Variants in RANBP2 observed in about 807,000 individuals in gnomAD.
RANBP2 encodes the protein RAN binding protein 2.
In RANBP2, 57 loss-of-function variants were observed where a neutral mutation model predicts 303.6. The observed-to-expected ratio is 0.19, with a 90% confidence interval of 0.15 to 0.23. RANBP2 has a LOEUF of 0.23. RANBP2 is among the 10% of genes least tolerant of loss of function. RANBP2 has a pLI of 1.00. For missense variants in RANBP2, 3,138 were observed against 3,780.8 expected (o/e 0.83, Z 4.46); for synonymous variants, 1,167 against 1,301.5 (o/e 0.90, Z 2.23).
At chr2:109,635,951 C>T in the RANBP2 span, among the ~76,000 whole-genome samples, 5 of 152,172 alleles carry the variant, frequency 3.3e-5, no homozygotes, top group African/African-American at 4.8e-5. Flanking sequence ...CCCAATGTGA[C>T]GGTGTTAGGA....
chr2:109,308,863 C>T, the RANBP2 span, among the ~76,000 whole-genome samples: 1 of 70,958 alleles, frequency 1.4e-5, no homozygotes, highest in African/African-American at 1.2e-4. Context: ...AGTGTGATGC[C>T]TCCAGCTTTG....
chr2:108,740,932 G>GT (rs1339386199), intron 7 of RANBP2, among the ~76,000 whole-genome samples: 3 of 152,004 alleles, frequency 2.0e-5, no homozygotes. Flanking sequence ...AATTTGAAGA[G>GT]TTTGATCTTT....
At chr2:108,946,665 A>T in the RANBP2 span, among the ~76,000 whole-genome samples, 2 of 152,208 alleles carry the variant, frequency 1.3e-5, no homozygotes, top group Admixed American at 1.3e-4. Context: ...CATCTTACAC[A>T]GTGGCAAGAG....
the RANBP2 span, among the ~76,000 whole-genome samples, chr2:109,761,657 C>T: frequency 2.7e-5 from 4 of 148,522 alleles, no homozygotes; most frequent in African/African-American, 1.0e-4. Context: ...CCCCCCAACC[C>T]GCCACTATCT....
At chr2:108,777,788 T>C (rs1290892309) in intron 25 of RANBP2, among the ~76,000 whole-genome samples, 1 of 152,190 alleles carries the variant, frequency 6.6e-6, no homozygotes, top group Non-Finnish European at 1.5e-5. Context: ...CCATCCATTA[T>C]ATTTTTTCAT....
chr2:109,000,847 T>C, the RANBP2 span, among the ~76,000 whole-genome samples: 12 of 152,082 alleles, frequency 7.9e-5, no homozygotes, highest in Admixed American at 3.3e-4. Context: ...GGATGAGGAA[T>C]ATGTCCCAGG....
At chr2:108,926,662 G>C in the RANBP2 span, among the ~76,000 whole-genome samples, 1 of 152,158 alleles carries the variant, frequency 6.6e-6, no homozygotes, top group African/African-American at 2.4e-5. Context: ...TGGTTCCCAG[G>C]TCCTCCCACA....
chr2:109,723,307 C>G, the RANBP2 span, among the ~76,000 whole-genome samples: 1 of 152,074 alleles, frequency 6.6e-6, no homozygotes, highest in East Asian at 1.9e-4. Context: ...GTGTGCCACA[C>G]GCCCGGCTAA....
At position 108,751,879 on chromosome 2, in the gene RANBP2, A is replaced by G. The variant is rs1234284837; in HGVS notation, c.1640A>G (p.Asn547Ser). ...TLIHRKAVPG[N>S]VAKLRLLVQH... ...ATTGAACTATTTTTTAGACCTGGAA[A>G]CGTAGCAAAATTGAGACTTCTAGTT... The change falls in exon 12 of 29, where the codon AAC becomes AGC. Residue 547 changes from asparagine (N) to serine (S), a missense_variant. This residue lies in a region of RANBP2 where 162 missense variants were observed against 286.9 expected (regional missense o/e 0.56). Coordinates refer to ENST00000283195, the MANE Select transcript of RANBP2 (RefSeq NM_006267.5). 1 of 1,612,004 alleles carries G rather than the reference A, an allele frequency of 6.2e-7. No individual in the cohort carries two copies. The highest frequency in any genetic ancestry group is 2.2e-5 in the East Asian group (1 of 44,874).
At chr2:108,853,952 AAAT>A in the RANBP2 span, among the ~76,000 whole-genome samples, 5 of 119,824 alleles carry the variant, frequency 4.2e-5, no homozygotes, top group African/African-American at 1.6e-4. Context: ...AATATACAAT[AAAT>A]ATATATAATA....
chr2:108,785,927 G>A (rs1399291451), downstream of RANBP2: 1 of 152,146 alleles, frequency 6.6e-6, no homozygotes, highest in Non-Finnish European at 1.5e-5. Context: ...AGAGAATTTA[G>A]GAGTTGTTAG....
chr2:109,460,383 G>A, the RANBP2 span, among the ~76,000 whole-genome samples: 1 of 152,246 alleles, frequency 6.6e-6, no homozygotes, highest in Non-Finnish European at 1.5e-5. Context: ...GACATGCTGG[G>A]GACTCACTGT....
the RANBP2 span, among the ~76,000 whole-genome samples, chr2:109,277,567 AC>A: frequency 6.6e-6 from 1 of 152,192 alleles, no homozygotes; most frequent in Non-Finnish European, 1.5e-5. Context: ...CCTGAGACTT[AC>A]GTGTACACTG....
At chr2:108,985,638 ATG>A in the RANBP2 span, among the ~76,000 whole-genome samples, 1 of 152,178 alleles carries the variant, frequency 6.6e-6, no homozygotes, top group Non-Finnish European at 1.5e-5. Flanking sequence ...CTTCACCCAC[ATG>A]TGTCTGCTCC....
At chr2:109,553,843 G>A in the RANBP2 span, among the ~76,000 whole-genome samples, 5 of 149,308 alleles carry the variant, frequency 3.3e-5, no homozygotes, top group Non-Finnish European at 4.4e-5. Context: ...GACACAGCAA[G>A]ACTCTGTCTC....
At chr2:109,170,487 A>G in the RANBP2 span, among the ~76,000 whole-genome samples, 15 of 152,164 alleles carry the variant, frequency 9.9e-5, no homozygotes, top group African/African-American at 3.4e-4. Context: ...CTGGGACTGC[A>G]GGCGCACACC....
the RANBP2 span, among the ~76,000 whole-genome samples, chr2:109,508,288 C>T: frequency 2.6e-5 from 4 of 152,162 alleles, no homozygotes; most frequent in African/African-American, 9.7e-5. Context: ...TGATTGATAG[C>T]GCCTGAGGTG....
At chr2:109,472,588 G>A in the RANBP2 span, among the ~76,000 whole-genome samples, 3 of 152,186 alleles carry the variant, frequency 2.0e-5, no homozygotes, top group Non-Finnish European at 2.9e-5. Context: ...GTTGGATGAA[G>A]TGATTTCCAT....
chr2:108,819,028 T>G, the RANBP2 span, among the ~76,000 whole-genome samples: 1 of 152,206 alleles, frequency 6.6e-6, no homozygotes, highest in Non-Finnish European at 1.5e-5. Flanking sequence ...AGGTGGAAGG[T>G]ACTATGTGTT....
Sources: gnomAD v4.1 joint callset for allele counts (sites outside exome capture counted in the v4.1 genomes callset) on GRCh38, gnomAD v4.1.1 for gene constraint, gnomAD v4.1.1 regional missense constraint, MANE v1.5 for transcripts, NCBI Gene and HGNC (gene_info 2026-07-23, HGNC 2026-07-21) for gene names.